TRAPPC9: variants seen among roughly 807,000 people sequenced by gnomAD.
TRAPPC9 encodes trafficking protein particle complex subunit 9.
TRAPPC9 carries 83 observed loss-of-function variants against 124.0 expected under a neutral mutation model. The observed-to-expected ratio is 0.67, with a 90% CI of 0.56 to 0.80. The LOEUF (loss-of-function observed/expected upper bound fraction) is 0.80, where lower values mean the gene tolerates loss of function less well. Among genes scored for constraint, TRAPPC9 ranks in the 30% least tolerant of loss-of-function variants. The probability of loss-of-function intolerance (pLI) is 0.00; values close to 1 mark genes in which losing one functional copy is unlikely to be tolerated. For synonymous variants in TRAPPC9, 638 were observed against 617.5 expected, an observed-to-expected ratio of 1.03 and a Z score of -0.49; for missense variants, 1,302 against 1,508.3, an observed-to-expected ratio of 0.86 and a Z score of 2.27.
chr8:140,260,551 C>T (rs72614013), intron 15 of TRAPPC9, among the ~76,000 whole-genome samples: 18,106 of 152,182 alleles, frequency 0.12, 2,366 homozygotes, highest in East Asian at 0.73. Flanking sequence ...CTAGTGCAAA[C>T]TAATTAGGTA....
chr8:140,208,290 C>T (rs770345473), intron 17 of TRAPPC9, among the ~76,000 whole-genome samples: 6 of 152,094 alleles, frequency 3.9e-5, no homozygotes, highest in South Asian at 4.1e-4. Context: ...TGAGACACAC[C>T]GGAAGTGTCC....
intron 16 of TRAPPC9, among the ~76,000 whole-genome samples, chr8:140,239,116 C>T (rs929113802): frequency 1.3e-5 from 2 of 152,148 alleles, no homozygotes; most frequent in Non-Finnish European, 2.9e-5. Flanking sequence ...TTCTGTTTCA[C>T]GGAGTCAAAG....
At position 139,891,133 on chromosome 8, in the gene TRAPPC9, G is replaced by A. The variant is rs115354610; in HGVS notation, c.2965-5164C>T. Among the ~76,000 whole-genome samples the A allele has an allele frequency of 5.4e-3, 823 of 152,344 alleles. 3 individuals are homozygous for A. Among genetic ancestry groups the A allele is most frequent in the African/African-American group, 0.019 (796 of 41,576 alleles). ...GGGAAGGTTTGTGTCTTTATGAGCA[G>A]GGCATTGCAGGGTTTCATTGCCACA... is the stretch of plus-strand genomic sequence containing the variant. On this transcript the variant is annotated intron_variant, in intron 20 of 22. Coordinates refer to ENST00000438773, the MANE Select transcript of TRAPPC9 (RefSeq NM_001160372.4).
chr8:140,365,162 G>T (rs1294313507), intron 8 of TRAPPC9, among the ~76,000 whole-genome samples: 2 of 151,962 alleles, frequency 1.3e-5, no homozygotes, highest in African/African-American at 4.8e-5. Flanking sequence ...ACTGTCCAAA[G>T]CACCTCACAA....
chr8:139,923,542 C>T (rs1343699857), intron 19 of TRAPPC9, among the ~76,000 whole-genome samples: 1 of 152,070 alleles, frequency 6.6e-6, no homozygotes, highest in Non-Finnish European at 1.5e-5. Context: ...TCATCTCAGC[C>T]CCACCTCCAC....
At chr8:140,009,093 G>A (rs1453029720) in intron 18 of TRAPPC9, among the ~76,000 whole-genome samples, 1 of 152,152 alleles carries the variant, frequency 6.6e-6, no homozygotes, top group African/African-American at 2.4e-5. Context: ...GCTCCTTCCA[G>A]GCTTTAGAAG....
chr8:139,842,967 G>A (rs1304697634), intron 21 of TRAPPC9, among the ~76,000 whole-genome samples: 3 of 152,194 alleles, frequency 2.0e-5, no homozygotes, highest in Non-Finnish European at 4.4e-5. Context: ...GGCAGGCTGG[G>A]CATACCTTGC....
rs758730843 is a variant in TRAPPC9, at chr8:139,731,240, G to A, written c.3280-12C>T. The A allele has an allele frequency of 2.5e-6, 4 of 1,612,880 alleles. No homozygotes were observed. Among genetic ancestry groups the A allele is most frequent in the Non-Finnish European group, 3.4e-6 (4 of 1,179,776 alleles). On this transcript the variant is annotated splice_polypyrimidine_tract_variant and intron_variant, in intron 22 of 22. Transcript: ENST00000438773. ...CCGGACGGCTGCACCTGAGCAGGGA[G>A]GAGAAAGACACATCAGTCTGGTCAG...
At chr8:140,210,532 T>C (rs990791335) in intron 17 of TRAPPC9, among the ~76,000 whole-genome samples, 1 of 152,108 alleles carries the variant, frequency 6.6e-6, no homozygotes, top group African/African-American at 2.4e-5. Flanking sequence ...CTCTCTTCCA[T>C]GTCCCCCCAC....
chr8:140,341,924 G>A (rs1428999342), intron 9 of TRAPPC9, among the ~76,000 whole-genome samples: 1 of 152,240 alleles, frequency 6.6e-6, no homozygotes, highest in African/African-American at 2.4e-5. Context: ...ACAATGTGTG[G>A]GGCCTTTGGC....
At chr8:140,375,752 T>C (rs746415687) in intron 7 of TRAPPC9, among the ~76,000 whole-genome samples, 5 of 152,230 alleles carry the variant, frequency 3.3e-5, no homozygotes, top group Non-Finnish European at 2.9e-5. Context: ...AACCAGCCAC[T>C]GATGCTCTAG....
intron 21 of TRAPPC9, among the ~76,000 whole-genome samples, chr8:139,865,902 C>T (rs977520299): frequency 2.0e-5 from 3 of 152,100 alleles, no homozygotes; most frequent in African/African-American, 4.8e-5. Context: ...CCGAGGTGGT[C>T]GGGGTGCAGC....
At chr8:140,177,153 G>A (rs796805675) in intron 17 of TRAPPC9, among the ~76,000 whole-genome samples, 23 of 152,042 alleles carry the variant, frequency 1.5e-4, no homozygotes, top group African/African-American at 5.1e-4. Flanking sequence ...TTTTGATGAC[G>A]TCTAATTTAC....
At chr8:140,270,193 A>G (rs907375399) in intron 15 of TRAPPC9, among the ~76,000 whole-genome samples, 1 of 152,212 alleles carries the variant, frequency 6.6e-6, no homozygotes, top group Admixed American at 6.5e-5. Flanking sequence ...ACCAAGAAGC[A>G]GAGGAAGGCC....
intron 20 of TRAPPC9, among the ~76,000 whole-genome samples, chr8:139,889,460 G>A (rs907302493): frequency 5.9e-5 from 9 of 152,206 alleles, no homozygotes; most frequent in South Asian, 4.1e-4. Context: ...GAGAACAAAC[G>A]TTTCCAGGAG....
chr8:139,810,896 C>T (rs1484483563), intron 21 of TRAPPC9, among the ~76,000 whole-genome samples: 1 of 152,160 alleles, frequency 6.6e-6, no homozygotes, highest in Non-Finnish European at 1.5e-5. Context: ...GCTTCCTGTC[C>T]GTGAAGCCCA....
chr8:140,125,310 G>A (rs893250445), intron 17 of TRAPPC9, among the ~76,000 whole-genome samples: 9 of 152,218 alleles, frequency 5.9e-5, no homozygotes, highest in Non-Finnish European at 8.8e-5. Context: ...GGGAGGCACC[G>A]AAAGGAGTGC....
chr8:140,125,424 G>T (rs757177453), intron 17 of TRAPPC9, among the ~76,000 whole-genome samples: 17 of 152,104 alleles, frequency 1.1e-4, no homozygotes, highest in South Asian at 8.3e-4. Context: ...GGTTTATGAG[G>T]TCATTGCTAA....
At chr8:140,248,427 C>G (rs2064039827) in intron 16 of TRAPPC9, among the ~76,000 whole-genome samples, 1 of 152,228 alleles carries the variant, frequency 6.6e-6, no homozygotes, top group Admixed American at 6.5e-5. Context: ...TGAGTACCTG[C>G]TGGCTGTGTG....
Sources: allele counts gnomAD v4.1 joint callset (sites outside exome capture counted in the v4.1 genomes callset), GRCh38; gene constraint gnomAD v4.1.1; transcripts MANE v1.5; gene names NCBI Gene and HGNC (gene_info 2026-07-23, HGNC 2026-07-21).